Variants in TPRG1 observed in about 807,000 individuals in gnomAD.
TPRG1 encodes the protein tumor protein p63-regulated gene 1 protein.
A neutral mutation model predicts 29.3 loss-of-function variants in TPRG1; 29 were observed. That is an observed-to-expected ratio of 0.99 (90% confidence interval 0.74 to 1.35). The LOEUF (loss-of-function observed/expected upper bound fraction) is 1.35. Among genes scored for constraint, TPRG1 ranks in the 40% most tolerant of loss-of-function variants. The pLI is 0.00. For synonymous variants in TPRG1, 130 were observed against 116.8 expected (o/e 1.11, Z -0.73); for missense variants, 327 against 335.0 (o/e 0.98, Z 0.19).
chr3:189,234,858 G>A (rs912933287), intron 3 of TPRG1, among the ~76,000 whole-genome samples: 2 of 152,216 alleles, frequency 1.3e-5, no homozygotes, highest in Non-Finnish European at 2.9e-5. Context: ...TGGTCTGAAA[G>A]TGTATATCAG....
chr3:189,055,587 A>G (rs995957777), intron 4 of TPRG1, among the ~76,000 whole-genome samples: 1 of 152,148 alleles, frequency 6.6e-6, no homozygotes, highest in Non-Finnish European at 1.5e-5. Flanking sequence ...TCCTGACCAG[A>G]GGGCTGGGTT....
chr3:189,283,242 C>G (rs1283593456), intron 4 of TPRG1, among the ~76,000 whole-genome samples: 2 of 152,114 alleles, frequency 1.3e-5, no homozygotes, highest in South Asian at 4.1e-4. Flanking sequence ...CATATTTGTG[C>G]CAGTTTTTTA....
At chr3:189,032,952 A>C (rs2152130570) in intron 4 of TPRG1, among the ~76,000 whole-genome samples, 1 of 152,092 alleles carries the variant, frequency 6.6e-6, no homozygotes, top group African/African-American at 2.4e-5. Context: ...GCTGCATACT[A>C]TTCCATGGTG....
At chr3:189,282,642 TTTC>T (rs764554506) in intron 4 of TPRG1, among the ~76,000 whole-genome samples, 12 of 152,204 alleles carry the variant, frequency 7.9e-5, no homozygotes, top group Non-Finnish European at 1.8e-4. Context: ...TTTTCTGTGT[TTTC>T]TACACAATGC....
At chr3:189,080,397 A>G (rs1276388377) in intron 4 of TPRG1, among the ~76,000 whole-genome samples, 1 of 152,206 alleles carries the variant, frequency 6.6e-6, no homozygotes, top group African/African-American at 2.4e-5. Flanking sequence ...AGACATAGCC[A>G]TTACTGCAGA....
At chr3:189,253,870 CAT>C (rs1333881166) in intron 4 of TPRG1, among the ~76,000 whole-genome samples, 2 of 152,138 alleles carry the variant, frequency 1.3e-5, no homozygotes, top group East Asian at 1.9e-4. Flanking sequence ...AGCTTTTTTT[CAT>C]ATGTTTGTTG....
chr3:189,197,704 T>C (rs944088699), intron 1 of TPRG1, among the ~76,000 whole-genome samples: 2 of 152,214 alleles, frequency 1.3e-5, no homozygotes, highest in Admixed American at 6.5e-5. Context: ...AATTTCAATA[T>C]TGGACAGGGC....
At chr3:189,288,390 T>TGCACATAGGATAGCACATAG (rs1718435157) in intron 4 of TPRG1, among the ~76,000 whole-genome samples, 2 of 152,200 alleles carry the variant, frequency 1.3e-5, no homozygotes, top group South Asian at 4.1e-4. Flanking sequence ...AGAAGAGGAA[T>TGCACATAGGATAGCACATAG]GAATATTATA....
intron 4 of TPRG1, among the ~76,000 whole-genome samples, chr3:189,299,918 A>G (rs964495303): frequency 3.9e-5 from 6 of 152,172 alleles, no homozygotes; most frequent in Admixed American, 1.3e-4. Flanking sequence ...ATTCTACTCA[A>G]AAGGTTGTGT....
At chr3:189,193,130 T>C (rs1731957550) in intron 1 of TPRG1, among the ~76,000 whole-genome samples, 1 of 132,730 alleles carries the variant, frequency 7.5e-6, no homozygotes, top group South Asian at 2.6e-4. Context: ...TTTTGACTTT[T>C]AATTTTTTTT....
chr3:189,301,870 T>G (rs957198824), intron 4 of TPRG1, among the ~76,000 whole-genome samples: 3 of 152,214 alleles, frequency 2.0e-5, no homozygotes, highest in African/African-American at 4.8e-5. Context: ...CTAGCTTCCA[T>G]GTTAGGATTA....
At chr3:189,276,240 G>T (rs761143971) in intron 4 of TPRG1, among the ~76,000 whole-genome samples, 2 of 152,146 alleles carry the variant, frequency 1.3e-5, no homozygotes, top group Non-Finnish European at 2.9e-5. Context: ...TGAAGAGGTG[G>T]TGGCCCCCAT....
chr3:189,116,109 A>G (rs908322106), intron 1 of TPRG1, among the ~76,000 whole-genome samples: 2 of 152,218 alleles, frequency 1.3e-5, no homozygotes, highest in Admixed American at 6.5e-5. Context: ...TAGTATTACC[A>G]TATGATCCAG....
chr3:189,287,216 G>C (rs976568047), intron 4 of TPRG1, among the ~76,000 whole-genome samples: 3 of 152,024 alleles, frequency 2.0e-5, no homozygotes, highest in African/African-American at 7.2e-5. Flanking sequence ...TCCCAGTGAC[G>C]CTTTGCCTTT....
At chr3:189,223,029 T>C (rs1211119013) in intron 3 of TPRG1, among the ~76,000 whole-genome samples, 1 of 152,208 alleles carries the variant, frequency 6.6e-6, no homozygotes, top group African/African-American at 2.4e-5. Context: ...TACGATAAAG[T>C]GTAGTTCATT....
exon 3 of TPRG1, chr3:189,132,594 C>G (rs1723228851): frequency 6.6e-6 from 1 of 152,224 alleles, no homozygotes; most frequent in Non-Finnish European, 1.5e-5. Context: ...TACTTAGCAG[C>G]AGTCTTCCTG....
chr3:189,130,567 G>C (rs1317646564), intron 2 of TPRG1, among the ~76,000 whole-genome samples: 2 of 152,200 alleles, frequency 1.3e-5, no homozygotes, highest in Non-Finnish European at 2.9e-5. Context: ...GCATGAAAGA[G>C]AACACCAATA....
At chr3:189,076,456 C>G (rs1717175500) in intron 4 of TPRG1, among the ~76,000 whole-genome samples, 1 of 151,900 alleles carries the variant, frequency 6.6e-6, no homozygotes, top group African/African-American at 2.4e-5. Flanking sequence ...TTAGTATGCT[C>G]CATTCTCAGC....
At chr3:189,185,317 A>T (rs1730770310) in intron 1 of TPRG1, among the ~76,000 whole-genome samples, 1 of 151,948 alleles carries the variant, frequency 6.6e-6, no homozygotes, top group Non-Finnish European at 1.5e-5. Context: ...TTAACCTCCC[A>T]GGCTCAAGCG....
Sources: gnomAD v4.1 joint callset for allele counts (sites outside exome capture counted in the v4.1 genomes callset) on GRCh38, gnomAD v4.1.1 for gene constraint, MANE v1.5 for transcripts, NCBI Gene and HGNC (gene_info 2026-07-23, HGNC 2026-07-21) for gene names.